Variants in FHIT observed in about 807,000 individuals in gnomAD.
FHIT encodes bis(5'-adenosyl)-triphosphatase.
Under a neutral mutation model 17.9 loss-of-function variants are expected in FHIT, and 19 were observed. That is an observed-to-expected ratio of 1.06 (90% CI 0.74 to 1.56). The LOEUF (loss-of-function observed/expected upper bound fraction) is 1.56. FHIT is among the 40% of genes most tolerant of loss of function. The pLI is 0.00. For missense variants in FHIT, 248 were observed against 189.2 expected (o/e 1.31, Z -1.82); for synonymous variants, 81 against 69.7 (o/e 1.16, Z -0.81).
chr3:60,456,897 A>G (rs1475384005), intron 5 of FHIT, among the ~76,000 whole-genome samples: 2 of 152,198 alleles, frequency 1.3e-5, no homozygotes, highest in African/African-American at 4.8e-5. Context: ...CTCTTCAAGG[A>G]GAACTACAAA....
chr3:60,235,819 G>A (rs550637483), intron 5 of FHIT, among the ~76,000 whole-genome samples: 1 of 152,194 alleles, frequency 6.6e-6, no homozygotes, highest in African/African-American at 2.4e-5. Flanking sequence ...TTCAATAAAT[G>A]GAAGCAAAAA....
At chr3:60,645,335 C>G (rs782743671) in intron 4 of FHIT, among the ~76,000 whole-genome samples, 3 of 152,138 alleles carry the variant, frequency 2.0e-5, no homozygotes, top group African/African-American at 4.8e-5. Flanking sequence ...TCCTGGCCTT[C>G]CAGAGTTTCA....
chr3:60,300,356 G>A (rs766691513), intron 5 of FHIT, among the ~76,000 whole-genome samples: 2 of 152,096 alleles, frequency 1.3e-5, no homozygotes, highest in African/African-American at 4.8e-5. Context: ...GGGATAGTAA[G>A]AGAATATTCA....
intron 5 of FHIT, among the ~76,000 whole-genome samples, chr3:60,060,349 C>T (rs1040926887): frequency 4.6e-5 from 7 of 152,122 alleles, no homozygotes; most frequent in African/African-American, 1.2e-4. Flanking sequence ...GGGGGACTAA[C>T]TAAGGATCAC....
At chr3:60,459,656 T>C (rs1006678059) in intron 5 of FHIT, among the ~76,000 whole-genome samples, 2 of 152,258 alleles carry the variant, frequency 1.3e-5, no homozygotes, top group Admixed American at 1.3e-4. Flanking sequence ...TTCCACAAAA[T>C]AGCCTTTTTC....
Position 60,173,916 on chromosome 3 carries a change from T to TATATATATA in FHIT, c.104-159765_104-159764insTATATATAT, listed in dbSNP as rs1343702595. ...ATATATATATATATATATATATATA[T>TATATATATA]GTTTTTTTTTTTTTTTGAGATCGAG... On this transcript the variant is annotated intron_variant, in intron 5 of 9. Coordinates refer to ENST00000492590, the MANE Select transcript of FHIT (RefSeq NM_002012.4). Among the ~76,000 whole-genome samples, 8 of 68,050 alleles carry TATATATATA rather than the reference T, an allele frequency of 1.2e-4. 2 individuals are homozygous for TATATATATA. The highest frequency in any genetic ancestry group is 2.0e-4 in the Admixed American group (1 of 5,096). 44.6% of individuals were successfully genotyped at this position (68,050 alleles called of 152,430 possible). A position where few individuals can be genotyped will look rare whatever the true frequency, so the allele number is the denominator to read the frequency against.
At chr3:60,135,210 C>T (rs1699765323) in intron 5 of FHIT, among the ~76,000 whole-genome samples, 1 of 152,036 alleles carries the variant, frequency 6.6e-6, no homozygotes, top group South Asian at 2.1e-4. Flanking sequence ...TTTCTATTAC[C>T]AGGGTCACAT....
chr3:60,899,029 T>G (rs782707700), intron 3 of FHIT, among the ~76,000 whole-genome samples: 2 of 152,230 alleles, frequency 1.3e-5, no homozygotes, highest in Non-Finnish European at 2.9e-5. Context: ...AACATGCATT[T>G]TTTTTCCAGA....
chr3:60,127,397 G>C (rs1705603329), intron 5 of FHIT, among the ~76,000 whole-genome samples: 1 of 152,010 alleles, frequency 6.6e-6, no homozygotes, highest in South Asian at 2.1e-4. Flanking sequence ...GTCTATAAAT[G>C]GCTTCTGCAA....
At chr3:59,797,821 G>A (rs1048195825) in intron 8 of FHIT, among the ~76,000 whole-genome samples, 2 of 152,198 alleles carry the variant, frequency 1.3e-5, no homozygotes, top group Non-Finnish European at 2.9e-5. Context: ...TAGCATTTCA[G>A]TGGGTGTCTT....
chr3:60,958,589 G>T (rs947986470), intron 3 of FHIT, among the ~76,000 whole-genome samples: 1 of 152,174 alleles, frequency 6.6e-6, no homozygotes, highest in African/African-American at 2.4e-5. Context: ...TAGTTGCAAT[G>T]TTCCAATTTT....
intron 5 of FHIT, among the ~76,000 whole-genome samples, chr3:60,143,447 T>G (rs1193575654): frequency 1.3e-5 from 2 of 152,094 alleles, no homozygotes; most frequent in Non-Finnish European, 2.9e-5. Context: ...GTGACATAGT[T>G]GGTGTGGTTG....
At chr3:60,791,522 A>G (rs1428547954) in intron 4 of FHIT, among the ~76,000 whole-genome samples, 2 of 152,208 alleles carry the variant, frequency 1.3e-5, no homozygotes, top group Non-Finnish European at 2.9e-5. Context: ...CACATCAACA[A>G]TGAACCAGTA....
At chr3:60,742,798 G>T (rs894243672) in intron 4 of FHIT, among the ~76,000 whole-genome samples, 55 of 152,266 alleles carry the variant, frequency 3.6e-4, no homozygotes, top group African/African-American at 1.3e-3. Context: ...GTTCTGTAGC[G>T]CTTAAGGATA....
chr3:60,125,617 CA>C (rs200255368), intron 5 of FHIT, among the ~76,000 whole-genome samples: 11,352 of 122,642 alleles, frequency 0.093, 546 homozygotes, highest in Admixed American at 0.15. Context: ...GACACTGTCT[CA>C]AAAAAAAAAA....
intron 2 of FHIT, among the ~76,000 whole-genome samples, chr3:61,126,507 G>A (rs966212452): frequency 6.6e-6 from 1 of 152,072 alleles, no homozygotes; most frequent in African/African-American, 2.4e-5. Flanking sequence ...AGGGAAAACT[G>A]CCTTATAAAA....
In FHIT at chr3:60,761,337, C is replaced by T. The variant is rs569778407; in HGVS notation, c.-18+60582G>A. Among the ~76,000 whole-genome samples the T allele has an allele frequency of 5.9e-5, 9 of 152,312 alleles. No individual in the cohort carries two copies. In the South Asian group the frequency reaches 1.5e-3, roughly 25 times the overall value. Reference sequence around the variant, plus strand: ...GTATGAGTGAACGTGCGTATGAGCACATGCATGTCTCAGAGAGAGCAACAG... The same window carrying T: ...GTATGAGTGAACGTGCGTATGAGCATATGCATGTCTCAGAGAGAGCAACAG... On this transcript the variant is annotated intron_variant, in intron 4 of 9. Coordinates refer to ENST00000492590, the MANE Select transcript of FHIT (RefSeq NM_002012.4).
chr3:59,880,176 C>T (rs1436146062), intron 8 of FHIT, among the ~76,000 whole-genome samples: 2 of 152,154 alleles, frequency 1.3e-5, no homozygotes, highest in South Asian at 2.1e-4. Context: ...TGGTCTCCTG[C>T]CTGTCCCCTC....
chr3:60,714,743 C>G (rs1489170523), intron 4 of FHIT, among the ~76,000 whole-genome samples: 1 of 152,146 alleles, frequency 6.6e-6, no homozygotes, highest in African/African-American at 2.4e-5. Context: ...TGAAGGACCT[C>G]TTCAAGGAGA....
Sources: gnomAD v4.1 joint callset for allele counts (sites outside exome capture counted in the v4.1 genomes callset) on GRCh38, gnomAD v4.1.1 for gene constraint, MANE v1.5 for transcripts, NCBI Gene and HGNC (gene_info 2026-07-23, HGNC 2026-07-21) for gene names.